Variants in NTRK3 observed in about 807,000 individuals in gnomAD.
NTRK3 encodes the protein NT-3 growth factor receptor.
In NTRK3, 24 loss-of-function variants were observed where a neutral mutation model predicts 91.7. The observed-to-expected ratio is 0.26, with a 90% confidence interval of 0.19 to 0.37. NTRK3 has a LOEUF of 0.37. Ranked by LOEUF, NTRK3 falls within the 10% of genes least tolerant of loss-of-function variation. The pLI is 1.00. For missense variants in NTRK3, 880 were observed against 1,068.9 expected, an observed-to-expected ratio of 0.82 and a Z score of 2.46; for synonymous variants, 483 against 404.0, an observed-to-expected ratio of 1.20 and a Z score of -2.34.
At chr15:88,127,324 C>T in intron 11 of NTRK3, 98 bp from the exon 12 acceptor site, 1 of 970,340 alleles carries the variant, frequency 1.0e-6, no homozygotes, top group Non-Finnish European at 1.6e-6. Context: ...CTTGAGACTT[C>T]CCCCTGCAGA....
At chr15:88,069,295 A>G (rs977028076) in intron 13 of NTRK3, among the ~76,000 whole-genome samples, 1 of 152,238 alleles carries the variant, frequency 6.6e-6, no homozygotes, top group African/African-American at 2.4e-5. Flanking sequence ...AGCTCATGGT[A>G]GAGCACCCCA....
At chr15:87,950,144 T>C (rs2070962347) in intron 14 of NTRK3, among the ~76,000 whole-genome samples, 1 of 152,136 alleles carries the variant, frequency 6.6e-6, no homozygotes, top group Non-Finnish European at 1.5e-5. Context: ...CAGAGCACAA[T>C]GTGCTAAAGG....
chr15:88,005,878 C>T (rs1390531031), intron 14 of NTRK3, among the ~76,000 whole-genome samples: 1 of 152,166 alleles, frequency 6.6e-6, no homozygotes, highest in East Asian at 1.9e-4. Context: ...GGAAATCTAT[C>T]TTCACATCAA....
intron 14 of NTRK3, among the ~76,000 whole-genome samples, chr15:87,963,294 G>A (rs933526860): frequency 1.3e-5 from 2 of 151,972 alleles, no homozygotes; most frequent in African/African-American, 2.4e-5. Flanking sequence ...GCTGTTTTTC[G>A]TAAGAATGGA....
At chr15:88,042,874 G>T (rs988662338) in intron 13 of NTRK3, among the ~76,000 whole-genome samples, 1 of 152,164 alleles carries the variant, frequency 6.6e-6, no homozygotes, top group Non-Finnish European at 1.5e-5. Flanking sequence ...ACAGATCCAC[G>T]TCTATCTGAC....
chr15:88,244,117 A>G (rs1169518224), intron 3 of NTRK3, among the ~76,000 whole-genome samples: 1 of 152,152 alleles, frequency 6.6e-6, no homozygotes, highest in Non-Finnish European at 1.5e-5. Context: ...TTGGAACCAT[A>G]GAGCGTTCAG....
chr15:87,878,287 G>A (rs899110617), intron 18 of NTRK3, among the ~76,000 whole-genome samples: 13 of 152,056 alleles, frequency 8.5e-5, no homozygotes, highest in African/African-American at 2.9e-4. Context: ...TAAAAGCACT[G>A]TCTTTTTTCT....
At chr15:87,915,610 T>C (rs1412144093) in intron 17 of NTRK3, among the ~76,000 whole-genome samples, 1 of 152,228 alleles carries the variant, frequency 6.6e-6, no homozygotes, top group Non-Finnish European at 1.5e-5. Flanking sequence ...CTAAATTCTC[T>C]TGAGTAGGTT....
intron 3 of NTRK3, among the ~76,000 whole-genome samples, chr15:88,212,678 G>A (rs557666840): frequency 6.7e-6 from 1 of 148,362 alleles, no homozygotes; most frequent in East Asian, 2.0e-4. Context: ...GATACTTCAT[G>A]GAAGCTGTTT....
At chr15:87,935,691 G>GC (rs2069214554) in intron 15 of NTRK3, among the ~76,000 whole-genome samples, 1 of 152,190 alleles carries the variant, frequency 6.6e-6, no homozygotes, top group Non-Finnish European at 1.5e-5. Flanking sequence ...CAGCCAAATG[G>GC]CCTCTCTCCA....
In NTRK3 at chr15:87,913,185, G is replaced by A. The variant is rs545700048; in HGVS notation, c.2133+16006C>T. Among the ~76,000 whole-genome samples, 3 of 152,024 alleles carry A rather than the reference G, an allele frequency of 2.0e-5. No homozygotes were observed. In the South Asian group the frequency reaches 6.2e-4, roughly 32 times the overall value. ...TAGTTGAAATGTGAGGGAAAGGCCA[G>A]TAGAAGAGAATTCAGAATTTGGGGA... On this transcript the variant is annotated intron_variant, in intron 17 of 18. Coordinates refer to ENST00000394480, the Ensembl canonical transcript of NTRK3.
At chr15:87,873,192 A>T in exon 19 of NTRK3, 1 of 231,734 alleles carries the variant, frequency 4.3e-6, no homozygotes, top group East Asian at 6.1e-5. Context: ...TTAATGTTCA[A>T]CCTGAACCCA....
chr15:87,880,332 C>T (rs2141467255), exon 18 of NTRK3: 5 of 1,613,838 alleles, frequency 3.1e-6, no homozygotes, highest in Non-Finnish European at 4.2e-6. Context: ...CAGAGGATCA[C>T]CCCGAAGCTC....
intron 3 of NTRK3, among the ~76,000 whole-genome samples, chr15:88,194,469 C>T (rs899727434): frequency 1.3e-5 from 2 of 152,214 alleles, no homozygotes; most frequent in Non-Finnish European, 2.9e-5. Context: ...CAATAAATGA[C>T]ACTGGTATCA....
chr15:87,901,616 T>C (rs1373782273), intron 17 of NTRK3, among the ~76,000 whole-genome samples: 1 of 152,234 alleles, frequency 6.6e-6, no homozygotes, highest in Non-Finnish European at 1.5e-5. Flanking sequence ...GAACAACTTA[T>C]TGCATGTTTA....
At position 88,247,985 on chromosome 15, in the gene NTRK3, G is replaced by C. The variant is rs376746414; in HGVS notation, c.248+7921C>G. Among the ~76,000 whole-genome samples, 7 of 152,294 alleles carry C rather than the reference G, an allele frequency of 4.6e-5. No individual in the cohort carries two copies. In the East Asian group the frequency reaches 1.4e-3, roughly 29 times the overall value. ...ACACCCCCCTTTTGCTCTGCACCCA[G>C]AAATGCTCCTGGCACCCCAAAGCTC... On this transcript the variant is annotated intron_variant, in intron 3 of 18. Transcript: ENST00000394480.
intron 6 of NTRK3, among the ~76,000 whole-genome samples, chr15:88,145,179 A>AC (rs2042773748): frequency 6.6e-6 from 1 of 151,594 alleles, no homozygotes; most frequent in Non-Finnish European, 1.5e-5. Flanking sequence ...AGAAAATACT[A>AC]CCCCCTCTTC....
chr15:87,861,832 G>C (rs2064533226), exon 19 of NTRK3: 2 of 205,006 alleles, frequency 9.8e-6, no homozygotes, highest in Admixed American at 6.0e-5. Context: ...CCCTCCTGGG[G>C]CTTCTATTGG....
chr15:88,220,854 G>C (rs2050176734), intron 3 of NTRK3, among the ~76,000 whole-genome samples: 1 of 152,212 alleles, frequency 6.6e-6, no homozygotes, highest in East Asian at 1.9e-4. Flanking sequence ...GATCATGGCA[G>C]AAAGGTCCCA....
Sources: gnomAD v4.1 joint callset for allele counts (sites outside exome capture counted in the v4.1 genomes callset) on GRCh38, gnomAD v4.1.1 for gene constraint, MANE v1.5 for transcripts, NCBI Gene and HGNC (gene_info 2026-07-23, HGNC 2026-07-21) for gene names.